The following KDM3B variants were observed in gnomAD, a reference collection of about 807,000 sequenced individuals.
KDM3B encodes the protein lysine-specific demethylase 3B.
A neutral mutation model predicts 170.0 loss-of-function variants in KDM3B; 10 were observed. The observed-to-expected ratio is 0.06, with a 90% CI of 0.04 to 0.10. KDM3B has a LOEUF of 0.10. Among genes scored for constraint, KDM3B ranks in the 10% least tolerant of loss-of-function variants. The pLI is 1.00. For missense variants in KDM3B, 1,394 were observed against 2,195.2 expected (o/e 0.64, Z 7.29); for synonymous variants, 831 against 834.8 (o/e 1.00, Z 0.08).
chr5:138,422,790 A>C (rs1763305030), intron 15 of KDM3B, among the ~76,000 whole-genome samples: 1 of 152,192 alleles, frequency 6.6e-6, no homozygotes, highest in African/African-American at 2.4e-5. Context: ...ACACCTTGCT[A>C]TTCTGATTTT....
chr5:138,430,715 AC>A (rs1267523936), intron 22 of KDM3B, among the ~76,000 whole-genome samples: 2 of 151,986 alleles, frequency 1.3e-5, no homozygotes, highest in Non-Finnish European at 2.9e-5. Context: ...ACATGGTGAA[AC>A]CCCATCTCTA....
intron 1 of KDM3B, 23 bp from the exon 2 acceptor site, chr5:138,372,650 CA>C: frequency 6.3e-7 from 1 of 1,599,660 alleles, no homozygotes; most frequent in Non-Finnish European, 8.5e-7. Context: ...GTGTGACTTC[CA>C]AACTGCTTTT....
At chr5:138,381,480 C>T (rs1762122961) in intron 5 of KDM3B, 36 bp from the exon 6 acceptor site, 6 of 1,211,296 alleles carry the variant, frequency 5.0e-6, no homozygotes, top group Non-Finnish European at 7.4e-6. Context: ...TCTTTATGGA[C>T]AAGGCATTAA....
chr5:138,371,641 T>C lies in KDM3B; in HGVS notation c.193-1033T>C, dbSNP rs187433593. Among the ~76,000 whole-genome samples the C allele has an allele frequency of 3.5e-3, 535 of 152,180 alleles. 2 individuals carry two copies. The highest frequency in any genetic ancestry group is 8.3e-3 in the South Asian group (40 of 4,816). The stretch of plus-strand genomic sequence containing the variant: ...ACTACAGCAAGTGTCTGCTAACAGA[T>C]GTGAGATTACTGCTGACTGTTGCAC... On this transcript the variant is annotated intron_variant, in intron 1 of 23. Coordinates refer to ENST00000314358, the MANE Select transcript of KDM3B (RefSeq NM_016604.4).
chr5:138,418,741 G>T (rs1763173975), intron 13 of KDM3B, among the ~76,000 whole-genome samples: 1 of 152,190 alleles, frequency 6.6e-6, no homozygotes, highest in East Asian at 1.9e-4. Flanking sequence ...CAAACTTCAA[G>T]CCTTGTTCAC....
intron 1 of KDM3B, among the ~76,000 whole-genome samples, chr5:138,363,203 CT>C (rs1000637867): frequency 6.6e-6 from 1 of 151,928 alleles, no homozygotes; most frequent in African/African-American, 2.4e-5. Flanking sequence ...TGTTTTTTCT[CT>C]TCTATTCCCT....
chr5:138,355,727 A>G (rs946138292), intron 1 of KDM3B, among the ~76,000 whole-genome samples: 1 of 152,118 alleles, frequency 6.6e-6, no homozygotes, highest in Non-Finnish European at 1.5e-5. Context: ...TGGCTCATGT[A>G]AGTTGCAGAG....
intron 9 of KDM3B, among the ~76,000 whole-genome samples, chr5:138,396,907 C>T (rs1253823868): frequency 6.6e-6 from 1 of 152,110 alleles, no homozygotes; most frequent in Non-Finnish European, 1.5e-5. Flanking sequence ...GTTAAAAGGC[C>T]AGGCACAGTG....
chr5:138,365,836 T>C (rs1318329941), intron 1 of KDM3B, among the ~76,000 whole-genome samples: 3 of 151,804 alleles, frequency 2.0e-5, no homozygotes, highest in Non-Finnish European at 4.4e-5. Context: ...CCGTCTCTAC[T>C]AAAAATACAA....
At chr5:138,427,864 T>A in intron 19 of KDM3B, 103 bp from the exon 20 acceptor site, 1 of 1,030,700 alleles carries the variant, frequency 9.7e-7, no homozygotes, top group Non-Finnish European at 1.4e-6. Context: ...CTCCTAATTT[T>A]ACTCATTTAA....
At chr5:138,358,093 G>A (rs978350264) in intron 1 of KDM3B, among the ~76,000 whole-genome samples, 1 of 151,248 alleles carries the variant, frequency 6.6e-6, no homozygotes, top group East Asian at 2.0e-4. Context: ...TGCCTCCTGG[G>A]TTCAAGCGAT....
At chr5:138,408,639 A>G (rs1166734162) in intron 11 of KDM3B, among the ~76,000 whole-genome samples, 1 of 152,202 alleles carries the variant, frequency 6.6e-6, no homozygotes, top group South Asian at 2.1e-4. Context: ...CAGCCCCAGT[A>G]TCCATCATGA....
At chr5:138,421,043 AC>A in intron 15 of KDM3B, 81 bp downstream of exon 15, 1 of 1,500,996 alleles carries the variant, frequency 6.7e-7, no homozygotes, top group Non-Finnish European at 9.2e-7. Flanking sequence ...GTTAGAGGGT[AC>A]ATGGGTGATT....
intron 11 of KDM3B, among the ~76,000 whole-genome samples, chr5:138,410,881 A>T (rs892759786): frequency 1.3e-5 from 2 of 152,296 alleles, no homozygotes; most frequent in Admixed American, 6.5e-5. Flanking sequence ...ACTTTCACTA[A>T]TTTTCTACTG....
chr5:138,378,236 T>A (rs1024836162), intron 4 of KDM3B, among the ~76,000 whole-genome samples: 2 of 152,234 alleles, frequency 1.3e-5, no homozygotes, highest in African/African-American at 4.8e-5. Flanking sequence ...TAGTTTTTTT[T>A]ATTTCTTAAA....
rs570622890 is a variant in KDM3B, at chr5:138,361,005, T to G, written c.192+8018T>G. ...CTGGGTCTCTTCTCCAACTTGTAGT[T>G]TATTTATTTAGTTCCCCTTCCACCA... On this transcript the variant is annotated intron_variant, in intron 1 of 23. Coordinates refer to ENST00000314358, the MANE Select transcript of KDM3B (RefSeq NM_016604.4). 2.0e-5 allele frequency among the ~76,000 whole-genome samples: 3 copies of G among 152,290 alleles called. No homozygotes were observed. The South Asian group carries it at 6.2e-4, about 32-fold the overall frequency.
chr5:138,409,824 AC>A (rs1242014633), intron 11 of KDM3B, among the ~76,000 whole-genome samples: 4 of 152,216 alleles, frequency 2.6e-5, no homozygotes, highest in Admixed American at 2.6e-4. Flanking sequence ...TGGCTAACTC[AC>A]GCCTGTAATC....
chr5:138,383,930 G>T (rs1273015358), intron 6 of KDM3B, among the ~76,000 whole-genome samples: 2 of 144,966 alleles, frequency 1.4e-5, no homozygotes, highest in African/African-American at 5.1e-5. Flanking sequence ...AGCCTGGGTG[G>T]CAAGAGCAAA....
chr5:138,417,769 A>G, intron 13 of KDM3B, 159 bp downstream of exon 13: 2 of 682,334 alleles, frequency 2.9e-6, no homozygotes, highest in Non-Finnish European at 4.9e-6. Flanking sequence ...ACTTTACTCA[A>G]AGGATTTTAA....
Sources: gnomAD v4.1 joint callset for allele counts (sites outside exome capture counted in the v4.1 genomes callset) on GRCh38, gnomAD v4.1.1 for gene constraint, MANE v1.5 for transcripts, NCBI Gene and HGNC (gene_info 2026-07-23, HGNC 2026-07-21) for gene names.